Variants in PRKCH observed in about 807,000 individuals in gnomAD.
The protein encoded by PRKCH is protein kinase C eta, also known as protein kinase C eta type.
PRKCH carries 28 observed loss-of-function variants against 82.5 expected under a neutral mutation model. The observed-to-expected ratio is 0.34, with a 90% CI of 0.25 to 0.47. The LOEUF (loss-of-function observed/expected upper bound fraction) is 0.47, where lower values mean the gene tolerates loss of function less well. Ranked by LOEUF, PRKCH falls within the 20% of genes least tolerant of loss-of-function variation. The probability of loss-of-function intolerance (pLI) is 1.00; values close to 1 mark genes in which losing one functional copy is unlikely to be tolerated. For synonymous variants in PRKCH, 322 were observed against 327.4 expected (o/e 0.98, Z 0.18); for missense variants, 705 against 881.8 (o/e 0.80, Z 2.54).
intron 1 of PRKCH, among the ~76,000 whole-genome samples, chr14:61,311,594 A>T (rs1183747906): frequency 2.0e-5 from 3 of 152,216 alleles, no homozygotes; most frequent in Non-Finnish European, 4.4e-5. Context: ...ATTTTCAGGT[A>T]TCTACAGCAG....
intron 1 of PRKCH, chr14:61,279,073 C>T (rs2045231677): frequency 6.6e-6 from 1 of 152,044 alleles, no homozygotes; most frequent in South Asian, 2.1e-4. Flanking sequence ...TACTTTCCCT[C>T]GAAGATCTCT....
intron 1 of PRKCH, among the ~76,000 whole-genome samples, chr14:61,208,874 T>TA (rs2044547621): frequency 6.6e-6 from 1 of 152,204 alleles, no homozygotes; most frequent in Non-Finnish European, 1.5e-5. Context: ...TATTTGTAGT[T>TA]GTGGCCTTTG....
At chr14:61,529,761 G>C (rs1253837411) in intron 11 of PRKCH, among the ~76,000 whole-genome samples, 18 of 115,494 alleles carry the variant, frequency 1.6e-4, no homozygotes, top group South Asian at 3.6e-4. Flanking sequence ...GTGGTGGGGT[G>C]GGGGGAGGGG....
At chr14:61,284,194 G>A (rs1004634000) in intron 1 of PRKCH, among the ~76,000 whole-genome samples, 1 of 152,206 alleles carries the variant, frequency 6.6e-6, no homozygotes, top group African/African-American at 2.4e-5. Context: ...ATGCAGCTGG[G>A]TATTGGGCTC....
rs60055073 is a variant in PRKCH at position 61,210,111 on chromosome 14, AATATAT to A, written c.-19+22489_-19+22494del. 7.0e-3 allele frequency among the ~76,000 whole-genome samples: 606 copies of A among 87,058 alleles called. 6 individuals are homozygous for A. Among genetic ancestry groups the A allele is most frequent in the Non-Finnish European group, 7.9e-3 (318 of 40,124 alleles). The allele number at this position is 87,058 out of a possible 152,430, so 57.1% of individuals were successfully genotyped here. On this transcript the variant is annotated intron_variant, in intron 1 of 3. Transcript: ENST00000555185. Reference sequence around the variant, plus strand: ...AAAAAACAAAACAAACAAACAAACAAATATATATATATATATATATATATATATATA... The same window carrying A: ...AAAAAACAAAACAAACAAACAAACAAATATATATATATATATATATATATA...
intron 1 of PRKCH, among the ~76,000 whole-genome samples, chr14:61,283,400 A>C (rs1208633109): frequency 6.6e-6 from 1 of 152,212 alleles, no homozygotes; most frequent in Non-Finnish European, 1.5e-5. Context: ...GGTTCAAGTG[A>C]GATAAATGAA....
At chr14:61,188,377 C>T (rs1376865002) in intron 1 of PRKCH, among the ~76,000 whole-genome samples, 2 of 152,188 alleles carry the variant, frequency 1.3e-5, no homozygotes, top group Non-Finnish European at 2.9e-5. Flanking sequence ...GCCTGCAAAC[C>T]GAGGAAGGCT....
chr14:61,542,682 T>G (rs2043203483), intron 12 of PRKCH, among the ~76,000 whole-genome samples: 1 of 152,088 alleles, frequency 6.6e-6, no homozygotes, highest in East Asian at 1.9e-4. Flanking sequence ...GACCTCAGAG[T>G]GTAGTCTCTC....
At chr14:61,539,154 G>A (rs1208057142) in intron 12 of PRKCH, among the ~76,000 whole-genome samples, 1 of 152,198 alleles carries the variant, frequency 6.6e-6, no homozygotes, top group Non-Finnish European at 1.5e-5. Context: ...ATGACCTTGG[G>A]TTTCCATCTC....
chr14:61,306,915 G>A (rs949343995), intron 1 of PRKCH: 2 of 151,974 alleles, frequency 1.3e-5, no homozygotes, highest in African/African-American at 2.4e-5. Context: ...ACATCTGTAC[G>A]ACTCATTGCA....
intron 2 of PRKCH, among the ~76,000 whole-genome samples, chr14:61,422,685 T>A (rs1882906265): frequency 6.6e-6 from 1 of 152,218 alleles, no homozygotes; most frequent in Non-Finnish European, 1.5e-5. Context: ...ACCGTCTAGT[T>A]GTGTGTCCTT....
intron 1 of PRKCH, among the ~76,000 whole-genome samples, chr14:61,332,661 T>A (rs1448866313): frequency 6.6e-6 from 1 of 152,232 alleles, no homozygotes; most frequent in East Asian, 1.9e-4. Flanking sequence ...TAATAAGTCA[T>A]ATAGGCCAGA....
chr14:61,187,494 G>T (rs1476153511), upstream of PRKCH: 1 of 152,326 alleles, frequency 6.6e-6, no homozygotes, highest in African/African-American at 2.4e-5. Flanking sequence ...TGACAATGCA[G>T]TGGGTATCAG....
In PRKCH at chr14:61,280,712, C is replaced by A. The variant is rs2045252347; in HGVS notation, c.-19+93044C>A. On this transcript the variant is annotated intron_variant, in intron 1 of 3. Transcript: ENST00000555185. The surrounding 1 kb of genome is among the most constrained non-coding windows in gnomAD (Gnocchi z 5.0). ...GCGCTGCGCTGGTAGGGGGCGCACT[C>A]GTTGACAGGGTGGCGCAGCGCGCTG... The A allele has an allele frequency of 6.3e-7, 1 of 1,579,386 alleles. No homozygotes were observed. The highest frequency in any genetic ancestry group is 2.3e-5 in the East Asian group (1 of 43,166).
intron 2 of PRKCH, among the ~76,000 whole-genome samples, chr14:61,406,328 T>C (rs372974041): frequency 1.1e-4 from 2 of 18,936 alleles, no homozygotes; most frequent in African/African-American, 5.9e-4. Context: ...TTTGCGTTGT[T>C]AGGGGGGCAC....
intron 1 of PRKCH, among the ~76,000 whole-genome samples, chr14:61,264,352 G>T (rs569973248): frequency 2.6e-5 from 4 of 152,236 alleles, no homozygotes; most frequent in South Asian, 4.2e-4. Context: ...CAGTCCTAAG[G>T]TTCCACTAAT....
At chr14:61,472,014 GT>G (rs1258442091) in intron 9 of PRKCH, among the ~76,000 whole-genome samples, 1 of 152,176 alleles carries the variant, frequency 6.6e-6, no homozygotes, top group East Asian at 1.9e-4. Flanking sequence ...CAAAGTTCCT[GT>G]TGGGGGCTCA....
intron 1 of PRKCH, among the ~76,000 whole-genome samples, chr14:61,203,941 C>A (rs1189874725): frequency 1.3e-5 from 2 of 152,276 alleles, no homozygotes; most frequent in East Asian, 1.9e-4. Flanking sequence ...TGGGAACTTA[C>A]TAGAAATGCT....
At chr14:61,398,052 A>T (rs981692762) in intron 2 of PRKCH, among the ~76,000 whole-genome samples, 1 of 152,248 alleles carries the variant, frequency 6.6e-6, no homozygotes, top group Non-Finnish European at 1.5e-5. Flanking sequence ...TCTGTGCAGA[A>T]TTCCCCTAGG....
Sources: gnomAD v4.1 joint callset for allele counts (sites outside exome capture counted in the v4.1 genomes callset) on GRCh38, gnomAD v4.1.1 for gene constraint, Gnocchi (gnomAD v3.1) non-coding constraint, MANE v1.5 for transcripts, NCBI Gene and HGNC (gene_info 2026-07-23, HGNC 2026-07-21) for gene names.